The following FGF14 variants were observed in gnomAD, a reference collection of about 807,000 sequenced individuals.
FGF14 encodes fibroblast growth factor homologous factor 4.
FGF14 carries 5 observed loss-of-function variants against 25.5 expected under a neutral mutation model. The ratio of observed to expected loss-of-function variants is 0.20; its 90% CI spans 0.10 to 0.41. The LOEUF (loss-of-function observed/expected upper bound fraction) is 0.41, where lower values mean the gene tolerates loss of function less well. Among genes scored for constraint, FGF14 ranks in the 10% least tolerant of loss-of-function variants. The pLI, the probability that FGF14 is intolerant of heterozygous loss-of-function variation, is 1.00. For synonymous variants in FGF14, 138 were observed against 118.3 expected (o/e 1.17, Z -1.08); for missense variants, 222 against 320.1 (o/e 0.69, Z 2.34).
chr13:101,977,978 A>C (rs2038029691), intron 1 of FGF14, among the ~76,000 whole-genome samples: 2 of 151,948 alleles, frequency 1.3e-5, no homozygotes, highest in African/African-American at 4.8e-5. Flanking sequence ...TTTTCCCAAC[A>C]GGAAAGAAAA....
At chr13:102,260,982 A>G (rs1156249794) in intron 1 of FGF14, among the ~76,000 whole-genome samples, 3 of 152,200 alleles carry the variant, frequency 2.0e-5, no homozygotes, top group African/African-American at 4.8e-5. Flanking sequence ...CCTGTCCCCA[A>G]AAATTGTCAG....
chr13:102,068,342 C>T (rs918643240), intron 1 of FGF14, among the ~76,000 whole-genome samples: 13 of 152,246 alleles, frequency 8.5e-5, no homozygotes, highest in Admixed American at 7.9e-4. Context: ...TCGCTCTCGG[C>T]GCCTCCTCTG....
chr13:102,079,742 A>G (rs1238246942), intron 1 of FGF14, among the ~76,000 whole-genome samples: 1 of 152,222 alleles, frequency 6.6e-6, no homozygotes, highest in Non-Finnish European at 1.5e-5. Context: ...CACTGACTAC[A>G]TATACACACA....
intron 1 of FGF14, among the ~76,000 whole-genome samples, chr13:102,184,707 G>A (rs1377193334): frequency 6.6e-6 from 1 of 152,004 alleles, no homozygotes; most frequent in Non-Finnish European, 1.5e-5. Flanking sequence ...GTAGATGAGG[G>A]CACAGTGAAA....
chr13:102,161,701 A>T (rs1328527872), intron 1 of FGF14, among the ~76,000 whole-genome samples: 12 of 148,572 alleles, frequency 8.1e-5, no homozygotes, highest in Middle Eastern at 3.5e-3. Context: ...GAAGAAGAAG[A>T]AGAAGAAGAA....
At chr13:102,334,128 C>T (rs187603329) in intron 1 of FGF14, among the ~76,000 whole-genome samples, 368 of 152,192 alleles carry the variant, frequency 2.4e-3, no homozygotes, top group African/African-American at 8.1e-3. Flanking sequence ...CAAAGTAAAC[C>T]GGAAGACTCA....
chr13:102,289,113 G>A (rs1361583661), intron 1 of FGF14, among the ~76,000 whole-genome samples: 2 of 152,086 alleles, frequency 1.3e-5, no homozygotes, highest in East Asian at 3.9e-4. Context: ...TCAACACTTA[G>A]TATTACTAGA....
intron 3 of FGF14, among the ~76,000 whole-genome samples, chr13:101,843,198 C>G (rs758025121): frequency 8.6e-5 from 13 of 152,042 alleles, no homozygotes; most frequent in Non-Finnish European, 1.2e-4. Flanking sequence ...ATTAATGTAT[C>G]ATTTTAACAC....
At position 102,035,266 on chromosome 13, in the gene FGF14, T is replaced by C. The variant is rs549445818; in HGVS notation, c.209-159970A>G. On this transcript the variant is annotated intron_variant, in intron 1 of 4. Transcript: ENST00000376131. ...TAGAAAGAGGCAATAGAGGAGACTG[T>C]ATGACTCTCTTTTTGTATTTACTTA... Among the ~76,000 whole-genome samples the C allele has an allele frequency of 3.9e-5, 6 of 152,254 alleles. No homozygotes were observed. In the South Asian group the frequency reaches 1.2e-3, roughly 32 times the overall value.
chr13:101,903,178 CTG>C (rs1474112395), intron 1 of FGF14, among the ~76,000 whole-genome samples: 1 of 151,976 alleles, frequency 6.6e-6, no homozygotes, highest in Non-Finnish European at 1.5e-5. Flanking sequence ...TCTGAAATTC[CTG>C]TGAGGCAATT....
chr13:101,952,948 T>C (rs2476223), intron 1 of FGF14, among the ~76,000 whole-genome samples: 67,673 of 151,740 alleles, frequency 0.45, 17,735 homozygotes, highest in African/African-American at 0.71. Context: ...GCTGGAGAAT[T>C]GCTCGAACCC....
chr13:102,048,509 C>T (rs185754804), intron 1 of FGF14, among the ~76,000 whole-genome samples: 3 of 152,136 alleles, frequency 2.0e-5, no homozygotes, highest in African/African-American at 7.2e-5. Flanking sequence ...TCACTTAAGG[C>T]TTAGAAGTTC....
intron 1 of FGF14, among the ~76,000 whole-genome samples, chr13:102,275,653 T>G (rs961592588): frequency 6.6e-6 from 1 of 150,402 alleles, no homozygotes; most frequent in Non-Finnish European, 1.5e-5. Flanking sequence ...TTATGCCTAA[T>G]AAACTAGATT....
intron 3 of FGF14, among the ~76,000 whole-genome samples, chr13:101,745,719 A>C (rs1039183259): frequency 6.6e-6 from 1 of 152,086 alleles, no homozygotes; most frequent in Non-Finnish European, 1.5e-5. Flanking sequence ...TTAAATGTAG[A>C]TGGTTTGGAA....
chr13:101,718,617 A>AAAG lies in FGF14; in HGVS notation c.*4211_*4213dup, dbSNP rs952772070. 4 of 151,880 alleles carry AAAG rather than the reference A, an allele frequency of 2.6e-5. No homozygotes were observed. The highest frequency in any genetic ancestry group is 1.3e-4 in the Admixed American group (2 of 15,252). 9.4% of individuals were successfully genotyped at this position (151,880 alleles called of 1,614,324 possible). A position where few individuals can be genotyped will look rare whatever the true frequency, so the allele number is the denominator to read the frequency against. ...AGAGACTTTTTCAAAAAAGTCAACT[A>AAAG]AAGTGCTAAGTCATAAGAGGAGAGC... On this transcript the variant is annotated 3_prime_UTR_variant, in exon 5 of 5. Transcript: ENST00000376143.
intron 1 of FGF14, among the ~76,000 whole-genome samples, chr13:102,348,023 A>T (rs1232525626): frequency 6.6e-6 from 1 of 151,924 alleles, no homozygotes; most frequent in Admixed American, 6.6e-5. Flanking sequence ...AAAAAAAAGC[A>T]ATCTGATAAG....
At chr13:102,149,144 TAATTA>T (rs1219988658) in intron 1 of FGF14, among the ~76,000 whole-genome samples, 4 of 151,474 alleles carry the variant, frequency 2.6e-5, no homozygotes, top group African/African-American at 4.9e-5. Context: ...AGCATGTCAT[TAATTA>T]AAGTAATATG....
chr13:101,882,800 T>C (rs1180957414), intron 1 of FGF14, among the ~76,000 whole-genome samples: 1 of 152,182 alleles, frequency 6.6e-6, no homozygotes, highest in Non-Finnish European at 1.5e-5. Flanking sequence ...TTGGAAATGA[T>C]AGTGATAAAC....
intron 1 of FGF14, among the ~76,000 whole-genome samples, chr13:102,349,281 A>G (rs1025794541): frequency 6.6e-6 from 1 of 152,190 alleles, no homozygotes; most frequent in South Asian, 2.1e-4. Flanking sequence ...TAGTTCCACT[A>G]GCACTGTGAA....
Sources: allele counts gnomAD v4.1 joint callset (sites outside exome capture counted in the v4.1 genomes callset), GRCh38; gene constraint gnomAD v4.1.1; transcripts MANE v1.5; gene names NCBI Gene and HGNC (gene_info 2026-07-23, HGNC 2026-07-21).